Variants in RASSF8 observed in about 807,000 individuals in gnomAD.
RASSF8 encodes the protein Ras association domain family member 8.
RASSF8 carries 22 observed loss-of-function variants against 48.5 expected under a neutral mutation model. The ratio of observed to expected loss-of-function variants is 0.45; its 90% CI spans 0.32 to 0.65. The LOEUF (loss-of-function observed/expected upper bound fraction) is 0.65, where lower values mean the gene tolerates loss of function less well. RASSF8 is among the 30% of genes least tolerant of loss of function. The pLI is 0.03. For synonymous variants in RASSF8, 127 were observed against 171.5 expected, an observed-to-expected ratio of 0.74 and a Z score of 2.03; for missense variants, 418 against 489.2, an observed-to-expected ratio of 0.85 and a Z score of 1.37.
chr12:26,035,441 A>AAGT (rs1320662815), intron 2 of RASSF8, among the ~76,000 whole-genome samples: 1 of 23,786 alleles, frequency 4.2e-5, no homozygotes, highest in Non-Finnish European at 1.3e-4. Context: ...ATAATTATAT[A>AAGT]ATATAAGTAT....
At chr12:25,976,088 G>C (rs1004399698) in intron 1 of RASSF8, among the ~76,000 whole-genome samples, 10 of 152,206 alleles carry the variant, frequency 6.6e-5, no homozygotes, top group African/African-American at 2.2e-4. Flanking sequence ...CCTCACCCAG[G>C]CTGCCAGTGA....
intron 1 of RASSF8, among the ~76,000 whole-genome samples, chr12:25,965,679 A>T (rs1026764216): frequency 2.2e-4 from 34 of 152,086 alleles, no homozygotes; most frequent in African/African-American, 8.2e-4. Context: ...TCTCCTTTGT[A>T]ATTTATCTTC....
chr12:26,010,641 A>G (rs1312345330), intron 2 of RASSF8, among the ~76,000 whole-genome samples: 1 of 152,176 alleles, frequency 6.6e-6, no homozygotes, highest in Non-Finnish European at 1.5e-5. Context: ...TTAATCTGAT[A>G]TTTCCTTTCC....
intron 1 of RASSF8, among the ~76,000 whole-genome samples, chr12:25,993,836 A>G (rs1001072691): frequency 2.7e-5 from 4 of 146,766 alleles, no homozygotes; most frequent in African/African-American, 4.9e-5. Context: ...TTTTTATTAG[A>G]AAAAAAAAAT....
chr12:25,964,959 T>C (rs1941322987), intron 1 of RASSF8, among the ~76,000 whole-genome samples: 1 of 152,248 alleles, frequency 6.6e-6, no homozygotes, highest in African/African-American at 2.4e-5. Flanking sequence ...TATATATTTT[T>C]TGAGACGGAG....
In RASSF8 at chr12:26,060,575, A is replaced by G. The variant is rs181076981; in HGVS notation, c.104-3923A>G. Among the ~76,000 whole-genome samples the G allele has an allele frequency of 1.8e-4, 27 of 152,356 alleles. No individual in the cohort carries two copies. The East Asian group carries it at 5.0e-3, about 28-fold the overall frequency. ...TAAGATGATATATATAAAAGCATCA[A>G]AAGCATTTTACAGGCTATAAGATAA... is the stretch of plus-strand genomic sequence containing the variant. On this transcript the variant is annotated intron_variant, in intron 3 of 5. Transcript: ENST00000689635.
At chr12:26,030,224 T>C (rs915761968) in intron 2 of RASSF8, among the ~76,000 whole-genome samples, 8 of 151,766 alleles carry the variant, frequency 5.3e-5, no homozygotes, top group South Asian at 4.1e-4. Flanking sequence ...TAGGTTTTTT[T>C]CCCCCCATGA....
chr12:25,997,914 GA>G (rs532628222), intron 2 of RASSF8, among the ~76,000 whole-genome samples: 445 of 152,170 alleles, frequency 2.9e-3, no homozygotes, highest in African/African-American at 0.01. Context: ...GAATAAAAAT[GA>G]AAAAAGTTCA....
intron 1 of RASSF8, among the ~76,000 whole-genome samples, chr12:25,984,062 T>C (rs903377674): frequency 6.6e-6 from 1 of 152,040 alleles, no homozygotes; most frequent in Non-Finnish European, 1.5e-5. Flanking sequence ...CAATCATGTA[T>C]TTATTTATTT....
chr12:25,991,188 G>A (rs1259358070), intron 1 of RASSF8, among the ~76,000 whole-genome samples: 2 of 150,600 alleles, frequency 1.3e-5, no homozygotes, highest in Non-Finnish European at 3.0e-5. Context: ...GCATTCTTCT[G>A]TTGTTTAAAA....
chr12:26,073,821 T>TACACACACACACACAC (rs757140768), downstream of RASSF8, among the ~76,000 whole-genome samples: 1 of 65,238 alleles, frequency 1.5e-5, no homozygotes, highest in Non-Finnish European at 3.4e-5. Context: ...TATATACACA[T>TACACACACACACACAC]ACACACACAC....
chr12:26,053,679 AC>A (rs1943542359), intron 2 of RASSF8, among the ~76,000 whole-genome samples: 1 of 152,186 alleles, frequency 6.6e-6, no homozygotes, highest in Non-Finnish European at 1.5e-5. Context: ...GGCCCTCATA[AC>A]TGAGGAGCAC....
chr12:26,056,591 G>C (rs1943608361), intron 3 of RASSF8, among the ~76,000 whole-genome samples: 1 of 152,210 alleles, frequency 6.6e-6, no homozygotes, highest in African/African-American at 2.4e-5. Flanking sequence ...TTTAGCATTT[G>C]GTAGAGATGA....
intron 2 of RASSF8, among the ~76,000 whole-genome samples, chr12:26,044,815 C>T (rs1183385635): frequency 6.6e-6 from 1 of 152,080 alleles, no homozygotes; most frequent in Non-Finnish European, 1.5e-5. Flanking sequence ...TTATTTAAAG[C>T]CCAAAACTTT....
intron 2 of RASSF8, among the ~76,000 whole-genome samples, chr12:25,995,656 A>AG (rs148535554): frequency 0.046 from 7,009 of 152,070 alleles, 197 homozygotes; most frequent in Middle Eastern, 0.11. Context: ...CATTAAGTCA[A>AG]GGGGGGGCAT....
At chr12:25,972,727 T>C (rs1941511563) in intron 1 of RASSF8, among the ~76,000 whole-genome samples, 1 of 152,202 alleles carries the variant, frequency 6.6e-6, no homozygotes, top group Non-Finnish European at 1.5e-5. Flanking sequence ...AATATTAACA[T>C]AATTTTTTGA....
chr12:25,974,297 C>A (rs2048608), intron 1 of RASSF8, among the ~76,000 whole-genome samples: 3 of 151,984 alleles, frequency 2.0e-5, no homozygotes, highest in African/African-American at 4.8e-5. Flanking sequence ...AGCCAATACG[C>A]GAGAAGTGCC....
intron 1 of RASSF8, among the ~76,000 whole-genome samples, chr12:25,965,289 C>T (rs1941332193): frequency 6.6e-6 from 1 of 151,922 alleles, no homozygotes; most frequent in Non-Finnish European, 1.5e-5. Context: ...ACTGCACATA[C>T]CTAACTGTAC....
chr12:26,062,598 C>T (rs1943768116), intron 3 of RASSF8, among the ~76,000 whole-genome samples: 1 of 152,196 alleles, frequency 6.6e-6, no homozygotes, highest in African/African-American at 2.4e-5. Flanking sequence ...CATTTGAACC[C>T]AGACCTTTCT....
Sources: gnomAD v4.1 joint callset for allele counts (sites outside exome capture counted in the v4.1 genomes callset) on GRCh38, gnomAD v4.1.1 for gene constraint, MANE v1.5 for transcripts, NCBI Gene and HGNC (gene_info 2026-07-23, HGNC 2026-07-21) for gene names.